Variants in KCNAB2 observed in about 807,000 individuals in gnomAD.
KCNAB2 encodes the protein potassium voltage-gated channel subfamily A regulatory beta subunit 2.
A neutral mutation model predicts 63.6 loss-of-function variants in KCNAB2; 29 were observed. The ratio of observed to expected loss-of-function variants is 0.46; its 90% CI spans 0.34 to 0.62. KCNAB2 has a LOEUF of 0.62. Ranked by LOEUF, KCNAB2 falls within the 20% of genes least tolerant of loss-of-function variation. KCNAB2 has a pLI of 0.01. For missense variants in KCNAB2, 359 were observed against 563.9 expected (o/e 0.64, Z 3.68); for synonymous variants, 222 against 224.2 (o/e 0.99, Z 0.09).
At chr1:6,004,650 G>C (rs1301792801) in intron 1 of KCNAB2, among the ~76,000 whole-genome samples, 2 of 149,966 alleles carry the variant, frequency 1.3e-5, no homozygotes, top group Non-Finnish European at 3.0e-5. Context: ...ATGGACACTT[G>C]TCATTGGATT....
intron 10 of KCNAB2, 52 bp from the exon 11 acceptor site, chr1:6,094,348 G>T: frequency 7.1e-7 from 1 of 1,408,288 alleles, no homozygotes. Context: ...CCCGAGGCTG[G>T]CCCTGAGCCC....
intron 1 of KCNAB2, among the ~76,000 whole-genome samples, chr1:6,046,753 T>C (rs189527333): frequency 2.6e-5 from 4 of 152,340 alleles, no homozygotes; most frequent in Admixed American, 2.6e-4. Flanking sequence ...CATTTCCGCT[T>C]TGGAGAACTC....
chr1:6,080,952 C>T (rs571771537), intron 4 of KCNAB2, among the ~76,000 whole-genome samples: 1 of 152,300 alleles, frequency 6.6e-6, no homozygotes, highest in South Asian at 2.1e-4. Flanking sequence ...TGGTGAGGCC[C>T]AGTGCTCTGA....
In KCNAB2 at chr1:5,994,201, TC is replaced by T. The variant is rs1656782711; in HGVS notation, c.-53+1418del. On this transcript the variant is annotated intron_variant, in intron 1 of 16. Transcript: ENST00000341524. The surrounding 1 kb of genome is among the most constrained non-coding windows in gnomAD (Gnocchi z 5.4). Reference sequence around the variant, plus strand: ...AAACCCCAGCCTCACCCCTCCCCTTTCCCCCAGTGCCAAGAGTAAGCTCCTG... The same window carrying T: ...AAACCCCAGCCTCACCCCTCCCCTTTCCCCAGTGCCAAGAGTAAGCTCCTG... Among the ~76,000 whole-genome samples, 1 of 152,248 alleles carries T rather than the reference TC, an allele frequency of 6.6e-6. No homozygotes were observed. The highest frequency in any genetic ancestry group is 2.1e-4 in the South Asian group (1 of 4,818).
chr1:6,098,058 C>A, intron 15 of KCNAB2: 1 of 661,162 alleles, frequency 1.5e-6, no homozygotes, highest in Non-Finnish European at 1.9e-6. Flanking sequence ...CCGGGACTGG[C>A]TGACAAACTG....
exon 2 of KCNAB2, chr1:6,040,570 T>C (rs1453676208): frequency 6.2e-7 from 1 of 1,613,998 alleles, no homozygotes; most frequent in African/African-American, 1.3e-5. Flanking sequence ...GCTGGCTCCA[T>C]GTATCCAGAA....
chr1:6,051,720 G>A lies in KCNAB2; in HGVS notation c.184G>A (p.Gly62Ser), dbSNP rs960001459. Residue 62 changes from glycine to serine, a missense_variant, in exon 2 of 16, where the codon GGC becomes AGC. Gly to Ser is a moderately conservative substitution (Grantham distance 56). Transcript: ENST00000378083. ...FLRMHGLSLD[G>S]CTAQRTGMKY... ...CCGCATGCACGGCCTTTCCCTGGAC[G>A]GCTGCACCGCCCAGCGCACAGGCAT... 2.1e-5 allele frequency: 32 copies of A among 1,533,634 alleles called. No homozygotes were observed. In the East Asian group the frequency reaches 5.1e-4, roughly 25 times the overall value.
At chr1:6,026,070 C>T (rs1420601418) in intron 1 of KCNAB2, 1 of 152,910 alleles carries the variant, frequency 6.5e-6, no homozygotes, top group Non-Finnish European at 1.5e-5. Flanking sequence ...GAAGGTCTGC[C>T]TCCTACTCTG....
At chr1:5,998,623 G>A (rs141142349) in intron 1 of KCNAB2, among the ~76,000 whole-genome samples, 37 of 152,280 alleles carry the variant, frequency 2.4e-4, no homozygotes, top group Non-Finnish European at 4.9e-4. Context: ...TCCAGAGCCC[G>A]GGGAGGAGAG....
intron 1 of KCNAB2, among the ~76,000 whole-genome samples, chr1:6,010,019 C>T (rs576409620): frequency 2.1e-3 from 312 of 152,070 alleles, no homozygotes; most frequent in African/African-American, 6.8e-3. Flanking sequence ...TACAGGCACA[C>T]ATCACCACAC....
At chr1:6,088,784 G>A (rs1487197909) in intron 7 of KCNAB2, among the ~76,000 whole-genome samples, 1 of 117,208 alleles carries the variant, frequency 8.5e-6, no homozygotes, top group Non-Finnish European at 1.8e-5. Context: ...CCCACCCCCT[G>A]CTGCTGCCCC....
chr1:6,033,547 A>G (rs1392289341), upstream of KCNAB2, among the ~76,000 whole-genome samples: 1 of 152,200 alleles, frequency 6.6e-6, no homozygotes, highest in African/African-American at 2.4e-5. Flanking sequence ...AGGAGCGGGA[A>G]TGCATACAAG....
chr1:6,094,554 C>A (rs1205384910), intron 11 of KCNAB2, 69 bp downstream of exon 11: 2 of 1,333,938 alleles, frequency 1.5e-6, no homozygotes, highest in Non-Finnish European at 2.1e-6. Context: ...ATGGAGACCC[C>A]AAAGCTCTGG....
rs1665640339 is a variant in KCNAB2 at position 6,096,366 on chromosome 1, T to C, written c.949-270T>C. 2 of 537,098 alleles carry C rather than the reference T, an allele frequency of 3.7e-6. No homozygotes were observed. The highest frequency in any genetic ancestry group is 6.7e-6 in the Non-Finnish European group (2 of 296,956). 33.3% of individuals were successfully genotyped at this position (537,098 alleles called of 1,614,324 possible). ...AAGGAAGGCCAGCACCTCGCCTCCTTGTCCTGACTTGGGGTTGGGCCAGCA... is the reference window on the plus strand; with the variant it reads ...AAGGAAGGCCAGCACCTCGCCTCCTCGTCCTGACTTGGGGTTGGGCCAGCA... On this transcript the variant is annotated intron_variant, in intron 13 of 15. Coordinates refer to ENST00000378083, the MANE Select transcript of KCNAB2 (RefSeq NM_001199862.2). The surrounding 1 kb of genome is among the most constrained non-coding windows in gnomAD (Gnocchi z 5.9).
intron 4 of KCNAB2, among the ~76,000 whole-genome samples, chr1:6,077,042 G>T (rs565163386): frequency 6.6e-6 from 1 of 151,984 alleles, no homozygotes; most frequent in Non-Finnish European, 1.5e-5. Context: ...AAAAATTAGC[G>T]GGGCGTGGTG....
chr1:6,001,090 G>T (rs1279602702), intron 1 of KCNAB2, among the ~76,000 whole-genome samples: 1 of 152,160 alleles, frequency 6.6e-6, no homozygotes, highest in East Asian at 1.9e-4. Flanking sequence ...CAGGGAGAGG[G>T]ACAAGGGCAG....
At position 6,073,805 on chromosome 1, in the gene KCNAB2, G is replaced by C; in HGVS notation, c.300+35G>C. On this transcript the variant is annotated intron_variant, in intron 4 of 15. Transcript: ENST00000378083. The surrounding 1 kb of genome is among the most constrained non-coding windows in gnomAD (Gnocchi z 5.7). ...GGCTCTCCCAGCACCCCAGAACCCA[G>C]CACGGGCTCGCCAGAGCACATGGTT... The C allele has an allele frequency of 6.2e-7, 1 of 1,609,238 alleles. No homozygotes were observed. Among genetic ancestry groups the C allele is most frequent in the Non-Finnish European group, 8.5e-7 (1 of 1,175,764 alleles).
At chr1:6,052,667 A>G (rs1286378140) in intron 2 of KCNAB2, among the ~76,000 whole-genome samples, 2 of 152,072 alleles carry the variant, frequency 1.3e-5, no homozygotes, top group African/African-American at 2.4e-5. Flanking sequence ...ATCCCTCTCA[A>G]TTGCAAATTG....
intron 7 of KCNAB2, among the ~76,000 whole-genome samples, chr1:6,088,414 T>A (rs1022201404): frequency 1.3e-5 from 2 of 151,814 alleles, no homozygotes; most frequent in African/African-American, 2.4e-5. Flanking sequence ...ATTTATATTT[T>A]TATTTTTGTA....
Sources: allele counts gnomAD v4.1 joint callset (sites outside exome capture counted in the v4.1 genomes callset), GRCh38; gene constraint gnomAD v4.1.1; non-coding constraint Gnocchi (gnomAD v3.1); transcripts MANE v1.5; gene names NCBI Gene and HGNC (gene_info 2026-07-23, HGNC 2026-07-21).